The following POLR2M variants were observed in gnomAD, a reference collection of about 807,000 sequenced individuals.
The protein encoded by POLR2M is protein GRINL1A.
In POLR2M, 30 loss-of-function variants were observed where a neutral mutation model predicts 34.6. That is an observed-to-expected ratio of 0.87 (90% CI 0.65 to 1.18). The LOEUF is 1.18. POLR2M is among the 50% of genes most tolerant of loss of function. The pLI is 0.00. For synonymous variants in POLR2M, 150 were observed against 166.7 expected (o/e 0.90, Z 0.77); for missense variants, 432 against 448.7 (o/e 0.96, Z 0.34).
chr15:57,713,935 G>A (rs1036289295), intron 3 of POLR2M, among the ~76,000 whole-genome samples: 2 of 134,492 alleles, frequency 1.5e-5, no homozygotes, highest in Non-Finnish European at 3.1e-5. Context: ...TCCGCCTCCC[G>A]GGTTCACGCC....
Position 57,717,314 on chromosome 15 carries a change from C to T in POLR2M, c.*2635C>T, listed in dbSNP as rs1372266114. 6.6e-6 allele frequency: 1 copy of T among 152,142 alleles called. No homozygotes were observed. The highest frequency in any genetic ancestry group is 1.5e-5 in the Non-Finnish European group (1 of 68,028). 9.4% of individuals were successfully genotyped at this position (152,142 alleles called of 1,614,324 possible). ...ATAACTTACAAATAAGTACTTAAAA[C>T]AGAGCTTAATGGGTAAAGCAACAGC... On this transcript the variant is annotated 3_prime_UTR_variant, in exon 4 of 4. Transcript: ENST00000299638.
chr15:57,712,056 G>C lies in POLR2M; in HGVS notation c.831G>C (p.Arg277=). ...GGTCTCCTATTTCCTCAGAAGAGCG[G>C]CGGCGCAGGGATAAGCAGCATCTTG... The part of the protein sequence containing the change: ...KSGSPISSEE[R]RRRDKQHLDD... The change falls in exon 3 of 4, where the codon CGG becomes CGC. Residue 277 remains arginine (R), a synonymous_variant. Coordinates refer to ENST00000299638, the MANE Select transcript of POLR2M (RefSeq NM_015532.5). 1 of 1,614,006 alleles carries C rather than the reference G, an allele frequency of 6.2e-7. No homozygotes were observed. Among genetic ancestry groups the C allele is most frequent in the Non-Finnish European group, 8.5e-7 (1 of 1,179,970 alleles).
intron 2 of POLR2M, among the ~76,000 whole-genome samples, chr15:57,710,550 C>T (rs2040666909): frequency 1.3e-5 from 2 of 152,210 alleles, no homozygotes; most frequent in South Asian, 2.1e-4. Flanking sequence ...ACTACATTAA[C>T]GTGATCAAGT....
chr15:57,706,811 C>T lies in POLR2M; in HGVS notation c.-32C>T, dbSNP rs1184505024. 1.3e-6 allele frequency: 2 copies of T among 1,541,248 alleles called. No homozygotes were observed. The highest frequency in any genetic ancestry group is 1.8e-6 in the Non-Finnish European group (2 of 1,139,406). ...CGGGGCCTGCCGAGGAAGCCGAGTG[C>T]CCGCCGCCGCGCCAGCCTCAGCCCG... On this transcript the variant is annotated 5_prime_UTR_variant, in exon 1 of 4. Coordinates refer to ENST00000299638, the MANE Select transcript of POLR2M (RefSeq NM_015532.5).
In POLR2M at chr15:57,709,119, G is replaced by A. The variant is rs1434242811; in HGVS notation, c.519G>A (p.Pro173=). ...CATCTGAAGCTAGTGAGCATCACCC[G>A]CGGCATCGTGTTTCAAGTCAAGCGG... The part of the protein sequence containing the change: ...PPSSEASEHH[P]RHRVSSQAED... Residue 173 remains proline (P), a synonymous_variant, in exon 2 of 4, where the codon CCG becomes CCA. Transcript: ENST00000299638. 6 of 1,614,158 alleles carry A rather than the reference G, an allele frequency of 3.7e-6. No individual in the cohort carries two copies. Among genetic ancestry groups the A allele is most frequent in the South Asian group, 3.3e-5 (3 of 91,078 alleles).
chr15:57,707,186 C>T, intron 1 of POLR2M: 14 of 1,478,190 alleles, frequency 9.5e-6, no homozygotes, highest in Non-Finnish European at 1.3e-5. Context: ...GGCTACCTGG[C>T]GTTGCAGGGA....
intron 1 of POLR2M, 114 bp downstream of exon 1, chr15:57,707,069 C>T (rs1342240820): frequency 5.8e-6 from 9 of 1,551,452 alleles, no homozygotes; most frequent in Non-Finnish European, 7.0e-6. Context: ...TTGACTCAGT[C>T]ACATTCGCTT....
At chr15:57,712,868 T>G (rs1178673239) in intron 3 of POLR2M, among the ~76,000 whole-genome samples, 2 of 152,196 alleles carry the variant, frequency 1.3e-5, no homozygotes, top group South Asian at 4.1e-4. Context: ...CAGAAAAGTT[T>G]AGAAGTATTT....
intron 2 of POLR2M, 36 bp downstream of exon 2, chr15:57,709,394 G>T (rs200831988): frequency 2.5e-6 from 4 of 1,568,632 alleles, no homozygotes; most frequent in Non-Finnish European, 3.5e-6. Flanking sequence ...TAACAGGAAC[G>T]TGATATTTGT....
At chr15:57,709,669 A>G (rs1457735585) in intron 2 of POLR2M, among the ~76,000 whole-genome samples, 1 of 152,248 alleles carries the variant, frequency 6.6e-6, no homozygotes, top group Non-Finnish European at 1.5e-5. Context: ...CATGTTGAAA[A>G]ATATTTAGTT....
chr15:57,708,753 C>G lies in POLR2M; in HGVS notation c.153C>G (p.Ile51Met), dbSNP rs2040589764. 6.2e-7 allele frequency: 1 copy of G among 1,604,418 alleles called. No homozygotes were observed. The highest frequency in any genetic ancestry group is 1.7e-5 in the Admixed American group (1 of 57,662). The change falls in exon 2 of 4, where the codon ATC (isoleucine) becomes ATG (methionine). Residue 51 changes from isoleucine to methionine, a missense_variant. Coordinates refer to ENST00000299638, the MANE Select transcript of POLR2M (RefSeq NM_015532.5). ...AATTGCCCGACAAAGGTAAAAAGAT[C>G]TTTGACTCTTTTGCCAAACTGAAAG... is the stretch of plus-strand genomic sequence containing the variant. Reference protein sequence around the residue: ...ICKLPDKGKKIFDSFAKLKAA... With the variant: ...ICKLPDKGKKMFDSFAKLKAA...
rs1174912417 is a variant in POLR2M, at chr15:57,706,818, C to T, written c.-25C>T. On this transcript the variant is annotated 5_prime_UTR_variant, in exon 1 of 4. Coordinates refer to ENST00000299638, the MANE Select transcript of POLR2M (RefSeq NM_015532.5). ...TGCCGAGGAAGCCGAGTGCCCGCCG[C>T]CGCGCCAGCCTCAGCCCGCGCAGAA... is the stretch of plus-strand genomic sequence containing the variant. 3 of 1,543,208 alleles carry T rather than the reference C, an allele frequency of 1.9e-6. No individual in the cohort carries two copies. Among genetic ancestry groups the T allele is most frequent in the Admixed American group, 2.0e-5 (1 of 50,882 alleles).
At chr15:57,711,493 C>T (rs1426057808) in intron 2 of POLR2M, among the ~76,000 whole-genome samples, 1 of 152,198 alleles carries the variant, frequency 6.6e-6, no homozygotes, top group East Asian at 1.9e-4. Flanking sequence ...TTCTCTCACT[C>T]CCCTTGCTGG....
At position 57,714,775 on chromosome 15, in the gene POLR2M, G is replaced by A. The variant is rs1224800107; in HGVS notation, c.*96G>A. 5 of 1,525,896 alleles carry A rather than the reference G, an allele frequency of 3.3e-6. No individual in the cohort carries two copies. Among genetic ancestry groups the A allele is most frequent in the African/African-American group, 2.8e-5 (2 of 70,766 alleles). The allele number at this position is 1,525,896 out of a possible 1,614,324, so 94.5% of individuals were successfully genotyped here. On this transcript the variant is annotated 3_prime_UTR_variant, in exon 4 of 4. Transcript: ENST00000299638. Reference sequence around the variant, plus strand: ...TCAGTGTCAGATATTGTTGAGGGAAGTAATTTTATAAAGTTACACAAAGGT... The same window carrying A: ...TCAGTGTCAGATATTGTTGAGGGAAATAATTTTATAAAGTTACACAAAGGT...
intron 3 of POLR2M, among the ~76,000 whole-genome samples, chr15:57,713,030 A>G (rs755007566): frequency 2.0e-5 from 3 of 152,052 alleles, no homozygotes; most frequent in Admixed American, 1.3e-4. Context: ...GCTAGACTCC[A>G]TCTTTACCAA....
Position 57,709,101 on chromosome 15 carries a change from A to G in POLR2M, c.501A>G (p.Glu167=). The change falls in exon 2 of 4, where the codon GAA becomes GAG. Residue 167 remains glutamate, a synonymous_variant. Coordinates refer to ENST00000299638, the MANE Select transcript of POLR2M (RefSeq NM_015532.5). ...GAGACAGGGTACCACCTTCATCTGA[A>G]GCTAGTGAGCATCACCCGCGGCATC... ...SNRDRVPPSS[E]ASEHHPRHRV... is the part of the protein sequence containing the mutation. The G allele has an allele frequency of 6.2e-7, 1 of 1,614,190 alleles. No individual in the cohort carries two copies. Among genetic ancestry groups the G allele is most frequent in the Non-Finnish European group, 8.5e-7 (1 of 1,180,034 alleles).
chr15:57,708,025 T>C (rs2040561520), intron 1 of POLR2M, among the ~76,000 whole-genome samples: 2 of 152,342 alleles, frequency 1.3e-5, no homozygotes, highest in African/African-American at 4.8e-5. Flanking sequence ...AAATAATTGG[T>C]TGGGATCAAG....
chr15:57,709,170 C>T lies in POLR2M; in HGVS notation c.570C>T (p.Asn190=). The change falls in exon 2 of 4, where the codon AAC becomes AAT. Residue 190 remains asparagine, a synonymous_variant. Transcript: ENST00000299638. ...AAGATACTTCCAGCAGCTTTGACAA[C>T]CTGTTTATTGACAGGTTACAGAGGA... ...QAEDTSSSFD[N]LFIDRLQRIT... 6.2e-7 allele frequency: 1 copy of T among 1,614,242 alleles called. No individual in the cohort carries two copies. The highest frequency in any genetic ancestry group is 1.1e-5 in the South Asian group (1 of 91,084).
Position 57,714,542 on chromosome 15 carries a change from C to G in POLR2M, c.970C>G (p.Gln324Glu). 3 of 1,613,298 alleles carry G rather than the reference C, an allele frequency of 1.9e-6. No homozygotes were observed. The South Asian group carries it at 3.3e-5, about 18-fold the overall frequency. ...TTTGCTCTTTGTTTTAAAGGAGATG[C>G]AAGCAAAGCTCGCAGCGCAAAAATT... ...KQQKQNYEEM[Q>E]AKLAAQKLAE... The change falls in exon 4 of 4, where the codon CAA becomes GAA. Residue 324 changes from glutamine (Q) to glutamate (E), a missense_variant. Transcript: ENST00000299638.
Sources: allele counts gnomAD v4.1 joint callset (sites outside exome capture counted in the v4.1 genomes callset), GRCh38; gene constraint gnomAD v4.1.1; transcripts MANE v1.5; gene names NCBI Gene and HGNC (gene_info 2026-07-23, HGNC 2026-07-21).